Variants in SMG1 observed in about 807,000 individuals in gnomAD.
SMG1 encodes the protein SMG1 nonsense mediated mRNA decay associated PI3K related kinase, also known as serine/threonine-protein kinase SMG1.
SMG1 carries 22 observed loss-of-function variants against 419.9 expected under a neutral mutation model. That is an observed-to-expected ratio of 0.05 (90% confidence interval 0.04 to 0.07). The LOEUF (loss-of-function observed/expected upper bound fraction) is 0.07. SMG1 is among the 10% of genes least tolerant of loss of function. The pLI, the probability that SMG1 is intolerant of heterozygous loss-of-function variation, is 1.00. For synonymous variants in SMG1, 1,538 were observed against 1,553.5 expected (o/e 0.99, Z 0.23); for missense variants, 3,185 against 4,342.0 (o/e 0.73, Z 7.49).
Position 18,806,092 on chromosome 16 carries a change from A to T in SMG1, c.*3477T>A, listed in dbSNP as rs1225668152. ...CCTATAATACCCCAGATTAAAAAGG[A>T]CCGAAGATTGCACATCAAGTCTAAT... On this transcript the variant is annotated 3_prime_UTR_variant, in exon 63 of 63. Transcript: ENST00000446231. The T allele has an allele frequency of 6.6e-6, 1 of 152,648 alleles. No individual in the cohort carries two copies. The highest frequency in any genetic ancestry group is 2.4e-5 in the African/African-American group (1 of 41,452). The allele number at this position is 152,648 out of a possible 1,614,324, so 9.5% of individuals were successfully genotyped here. A position where few individuals can be genotyped will look rare whatever the true frequency, so the allele number is the denominator to read the frequency against.
chr16:18,874,386 G>A (rs895601669), intron 13 of SMG1, among the ~76,000 whole-genome samples: 3 of 151,404 alleles, frequency 2.0e-5, no homozygotes, highest in Non-Finnish European at 2.9e-5. Context: ...TGATCAGCCC[G>A]ACTTGGCCTC....
chr16:18,871,756 T>G (rs1305921038), intron 15 of SMG1, among the ~76,000 whole-genome samples: 2 of 152,134 alleles, frequency 1.3e-5, no homozygotes, highest in African/African-American at 4.8e-5. Context: ...GCCAACAACA[T>G]GGTGAAACAC....
At chr16:18,880,296 T>C (rs1246766160) in intron 10 of SMG1, among the ~76,000 whole-genome samples, 4 of 152,228 alleles carry the variant, frequency 2.6e-5, no homozygotes, top group South Asian at 2.1e-4. Flanking sequence ...TGGCCAATAA[T>C]TGTGTACTAA....
intron 5 of SMG1, 57 bp downstream of exon 5, chr16:18,890,806 T>C: frequency 1.0e-6 from 1 of 954,046 alleles, no homozygotes; most frequent in Non-Finnish European, 1.7e-6. Flanking sequence ...TATTGTTAAG[T>C]AATTTCTAAA....
At chr16:18,915,020 T>A (rs759750704) in intron 1 of SMG1, among the ~76,000 whole-genome samples, 3 of 150,432 alleles carry the variant, frequency 2.0e-5, no homozygotes. Context: ...TCATCTCCAC[T>A]CACTGCAACG....
intron 1 of SMG1, among the ~76,000 whole-genome samples, chr16:18,922,185 T>C (rs2038223389): frequency 6.6e-6 from 1 of 152,236 alleles, no homozygotes; most frequent in Non-Finnish European, 1.5e-5. Flanking sequence ...AAACACATCA[T>C]TCTGATCTCT....
At chr16:18,909,928 T>G (rs1264474777) in intron 1 of SMG1, among the ~76,000 whole-genome samples, 4 of 152,144 alleles carry the variant, frequency 2.6e-5, no homozygotes, top group Non-Finnish European at 5.9e-5. Flanking sequence ...TTTGTTACAT[T>G]TTATACTAAA....
chr16:18,817,849 T>G (rs1398335978), intron 56 of SMG1, among the ~76,000 whole-genome samples: 1 of 152,182 alleles, frequency 6.6e-6, no homozygotes, highest in Non-Finnish European at 1.5e-5. Context: ...CTTGCCTAAC[T>G]TATCTGGCAG....
chr16:18,820,783 A>C (rs2032458814), intron 55 of SMG1, among the ~76,000 whole-genome samples: 1 of 152,168 alleles, frequency 6.6e-6, no homozygotes, highest in African/African-American at 2.4e-5. Flanking sequence ...CTTCATTAAA[A>C]AACTTTTAAA....
At chr16:18,923,684 C>T (rs1032218819) in intron 1 of SMG1, among the ~76,000 whole-genome samples, 22 of 151,042 alleles carry the variant, frequency 1.5e-4, no homozygotes, top group Non-Finnish European at 3.2e-4. Flanking sequence ...ACCAAAACAC[C>T]AGGGACAAAA....
At chr16:18,880,448 CA>C (rs1567417120) in intron 10 of SMG1, among the ~76,000 whole-genome samples, 1 of 152,158 alleles carries the variant, frequency 6.6e-6, no homozygotes, top group Admixed American at 6.5e-5. Flanking sequence ...CACAGTGACT[CA>C]TATCTATCAT....
At chr16:18,896,727 G>A in intron 2 of SMG1, 66 bp downstream of exon 2, 2 of 1,232,678 alleles carry the variant, frequency 1.6e-6, no homozygotes, top group Non-Finnish European at 2.3e-6. Context: ...GGGGGTATAA[G>A]AAGGCAGGAA....
At chr16:18,911,863 C>G (rs1468210479) in intron 1 of SMG1, 1 of 152,042 alleles carries the variant, frequency 6.6e-6, no homozygotes, top group Non-Finnish European at 1.5e-5. Context: ...GGATGTATCA[C>G]CTGAGATCAG....
Position 18,917,594 on chromosome 16 carries a change from T to C in SMG1, c.92+8356A>G, listed in dbSNP as rs550621089. Among the ~76,000 whole-genome samples the C allele has an allele frequency of 2.8e-4, 42 of 151,982 alleles. No homozygotes were observed. In the South Asian group the frequency reaches 8.5e-3, roughly 31 times the overall value. On this transcript the variant is annotated intron_variant, in intron 1 of 62. Transcript: ENST00000446231. ...CTAACACACACACTCCATTTTTTTT[T>C]CAGATGGAGTCTTGCTCTTGTTGCC... is the stretch of plus-strand genomic sequence containing the variant.
chr16:18,828,091 G>A lies in SMG1; in HGVS notation c.9681C>T (p.Thr3227=), dbSNP rs1374419201. 6.2e-7 allele frequency: 1 copy of A among 1,613,378 alleles called. No individual in the cohort carries two copies. Among genetic ancestry groups the A allele is most frequent in the African/African-American group, 1.3e-5 (1 of 74,874 alleles). Reference sequence around the variant, plus strand: ...GGGTATGCAGCTTCTTTTTCATGCTGGTTAGGATAGCAGACCGTGGGGGAG... The same window carrying A: ...GGGTATGCAGCTTCTTTTTCATGCTAGTTAGGATAGCAGACCGTGGGGGAG... ...VTPPPRSAIL[T]SMKKKLHTLS... The change falls in exon 55 of 63, where the codon ACC becomes ACT. Residue 3227 remains threonine, a synonymous_variant. Transcript: ENST00000446231.
intron 56 of SMG1, among the ~76,000 whole-genome samples, chr16:18,818,739 T>A (rs1447688925): frequency 6.7e-6 from 1 of 148,586 alleles, no homozygotes; most frequent in Non-Finnish European, 1.5e-5. Flanking sequence ...ATTTTGTACT[T>A]AGTTGAAAAT....
intron 1 of SMG1, among the ~76,000 whole-genome samples, chr16:18,911,884 C>A (rs2037806164): frequency 6.6e-6 from 1 of 151,988 alleles, no homozygotes; most frequent in Non-Finnish European, 1.5e-5. Context: ...GAGTTTGAGA[C>A]CAGCCTGGCC....
chr16:18,864,341 G>A (rs1311101540), intron 23 of SMG1, among the ~76,000 whole-genome samples, 197 bp from the exon 24 acceptor site: 7 of 151,624 alleles, frequency 4.6e-5, no homozygotes, highest in Non-Finnish European at 8.8e-5. Context: ...GAATACAGGC[G>A]CTCGCCACCA....
chr16:18,842,956 C>T (rs1163063899), intron 39 of SMG1, among the ~76,000 whole-genome samples: 2 of 152,208 alleles, frequency 1.3e-5, no homozygotes, highest in Non-Finnish European at 2.9e-5. Context: ...ATGTGCATTA[C>T]AGGATTCTTT....
Sources: gnomAD v4.1 joint callset for allele counts (sites outside exome capture counted in the v4.1 genomes callset) on GRCh38, gnomAD v4.1.1 for gene constraint, MANE v1.5 for transcripts, NCBI Gene and HGNC (gene_info 2026-07-23, HGNC 2026-07-21) for gene names.